Variants in PTPRT observed in about 807,000 individuals in gnomAD.
The protein encoded by PTPRT is protein tyrosine phosphatase receptor type T, also known as receptor-type tyrosine-protein phosphatase T.
Under a neutral mutation model 176.8 loss-of-function variants are expected in PTPRT, and 56 were observed. The ratio of observed to expected loss-of-function variants is 0.32; its 90% confidence interval spans 0.26 to 0.40. The LOEUF (loss-of-function observed/expected upper bound fraction) is 0.40. PTPRT is among the 10% of genes least tolerant of loss of function. PTPRT has a pLI of 1.00. For missense variants in PTPRT, 1,540 were observed against 1,908.2 expected (o/e 0.81, Z 3.60); for synonymous variants, 783 against 739.0 (o/e 1.06, Z -0.96).
At chr20:42,120,706 G>A (rs1192064221) in intron 19 of PTPRT, among the ~76,000 whole-genome samples, 1 of 152,124 alleles carries the variant, frequency 6.6e-6, no homozygotes, top group Non-Finnish European at 1.5e-5. Context: ...TCTTTTGCCT[G>A]GACATGGCAT....
chr20:42,156,125 T>C (rs1267509771), intron 17 of PTPRT, among the ~76,000 whole-genome samples: 1 of 152,170 alleles, frequency 6.6e-6, no homozygotes, highest in Non-Finnish European at 1.5e-5. Flanking sequence ...CCTTCTTTAA[T>C]TTGGTTCTTC....
At chr20:42,212,604 T>C (rs2055670604) in intron 15 of PTPRT, among the ~76,000 whole-genome samples, 1 of 152,046 alleles carries the variant, frequency 6.6e-6, no homozygotes, top group Non-Finnish European at 1.5e-5. Context: ...CTGTGCAAGC[T>C]CTTGCAAGTT....
chr20:42,620,533 C>T (rs1468092265), intron 7 of PTPRT, among the ~76,000 whole-genome samples: 1 of 149,844 alleles, frequency 6.7e-6, no homozygotes, highest in Non-Finnish European at 1.5e-5. Flanking sequence ...GGCGCCCCTC[C>T]CCCAGCCTCG....
At chr20:42,546,709 C>A (rs1335009004) in intron 7 of PTPRT, among the ~76,000 whole-genome samples, 1 of 152,044 alleles carries the variant, frequency 6.6e-6, no homozygotes, top group African/African-American at 2.4e-5. Context: ...CACTTAGAAG[C>A]CATCGTAGGG....
intron 2 of PTPRT, among the ~76,000 whole-genome samples, chr20:42,859,903 G>C (rs1417108925): frequency 9.9e-5 from 15 of 151,842 alleles, no homozygotes; most frequent in African/African-American, 3.4e-4. Context: ...GTTTGATATG[G>C]ATATTTTCAT....
intron 7 of PTPRT, among the ~76,000 whole-genome samples, chr20:42,572,689 T>G (rs574637217): frequency 6.6e-6 from 1 of 152,330 alleles, no homozygotes; most frequent in Non-Finnish European, 1.5e-5. Context: ...TTAATTAACT[T>G]TTTAATTAGT....
intron 2 of PTPRT, among the ~76,000 whole-genome samples, chr20:42,809,988 T>C (rs2077673890): frequency 3.3e-5 from 5 of 152,050 alleles, no homozygotes; most frequent in African/African-American, 9.7e-5. Context: ...AGACTTAAAT[T>C]TGTACTAATA....
In PTPRT at chr20:42,078,756, C is replaced by T. The variant is rs41278142; in HGVS notation, c.*2123G>A. ...GACTGCTTCTCCCAATGCCTTTTCACATTTCTTTGCCATTGCACATATGGA... is the reference window on the plus strand; with the variant it reads ...GACTGCTTCTCCCAATGCCTTTTCATATTTCTTTGCCATTGCACATATGGA... On this transcript the variant is annotated 3_prime_UTR_variant, in exon 31 of 31. Coordinates refer to ENST00000373187, the MANE Select transcript of PTPRT (RefSeq NM_007050.6). 0.038 allele frequency: 6,788 copies of T among 177,058 alleles called. 210 individuals are homozygous for T. Among genetic ancestry groups the T allele is most frequent in the Middle Eastern group, 0.058 (26 of 450 alleles). The allele number at this position is 177,058 out of a possible 1,614,324, so 11.0% of individuals were successfully genotyped here.
intron 17 of PTPRT, among the ~76,000 whole-genome samples, chr20:42,154,513 A>C (rs1989267387): frequency 6.6e-6 from 1 of 152,232 alleles, no homozygotes; most frequent in Non-Finnish European, 1.5e-5. Context: ...TTTGCTCTTC[A>C]TTAGGCTGCA....
At chr20:42,052,873 C>T in the PTPRT span, among the ~76,000 whole-genome samples, 15 of 152,158 alleles carry the variant, frequency 9.9e-5, no homozygotes, top group Non-Finnish European at 1.5e-5. Flanking sequence ...GTGTCGGTGG[C>T]TTTCATCCCA....
At chr20:43,006,474 C>G (rs1984859168) in intron 1 of PTPRT, among the ~76,000 whole-genome samples, 1 of 152,136 alleles carries the variant, frequency 6.6e-6, no homozygotes, top group Non-Finnish European at 1.5e-5. Context: ...TATCTGCCTG[C>G]CTCTGTAGTG....
intron 1 of PTPRT, among the ~76,000 whole-genome samples, chr20:43,159,391 A>G (rs1184554141): frequency 6.6e-6 from 1 of 152,252 alleles, no homozygotes; most frequent in Non-Finnish European, 1.5e-5. Flanking sequence ...CTGCAGAGTC[A>G]TCATTGCCTA....
At chr20:42,337,749 T>A (rs2058060140) in intron 11 of PTPRT, among the ~76,000 whole-genome samples, 1 of 152,196 alleles carries the variant, frequency 6.6e-6, no homozygotes, top group South Asian at 2.1e-4. Flanking sequence ...CAGTATTCGA[T>A]CTGGGACCAA....
intron 2 of PTPRT, among the ~76,000 whole-genome samples, chr20:42,811,931 A>G (rs1465175495): frequency 6.6e-6 from 1 of 152,070 alleles, no homozygotes; most frequent in Non-Finnish European, 1.5e-5. Context: ...GAGTACATTT[A>G]CTCTTGACAA....
intron 1 of PTPRT, among the ~76,000 whole-genome samples, chr20:43,141,147 CA>C (rs966304998): frequency 1.3e-5 from 2 of 152,142 alleles, no homozygotes; most frequent in African/African-American, 2.4e-5. Context: ...CCGTGGCTAA[CA>C]AAAAACAAAT....
chr20:42,427,852 A>C (rs1289561283), intron 9 of PTPRT, among the ~76,000 whole-genome samples: 1 of 152,156 alleles, frequency 6.6e-6, no homozygotes, highest in African/African-American at 2.4e-5. Flanking sequence ...CCCACCCTTA[A>C]GAAGGTTCTT....
chr20:42,256,473 C>T (rs945764127), intron 13 of PTPRT, among the ~76,000 whole-genome samples: 1 of 149,198 alleles, frequency 6.7e-6, no homozygotes, highest in African/African-American at 2.5e-5. Flanking sequence ...TGGGGAGAAA[C>T]AAATGCTGTT....
Position 42,315,534 on chromosome 20 carries a change from C to T in PTPRT, c.2139+189G>A, listed in dbSNP as rs150204372. 2.2e-3 allele frequency among the ~76,000 whole-genome samples: 341 copies of T among 152,296 alleles called. 1 individual carries two copies. The highest frequency in any genetic ancestry group is 3.5e-3 in the Non-Finnish European group (238 of 68,022). On this transcript the variant is annotated intron_variant, in intron 12 of 30. Transcript: ENST00000373187. ...TCAACTTTACTGTTAAGCATCAAAA[C>T]AGCCATAGACAGTATGTAAATGAAC...
intron 13 of PTPRT, among the ~76,000 whole-genome samples, chr20:42,258,406 T>C (rs549513881): frequency 1.1e-4 from 17 of 152,354 alleles, no homozygotes; most frequent in African/African-American, 3.4e-4. Context: ...TTTTCTTGTA[T>C]ATCAACCACC....
Sources: gnomAD v4.1 joint callset for allele counts (sites outside exome capture counted in the v4.1 genomes callset) on GRCh38, gnomAD v4.1.1 for gene constraint, MANE v1.5 for transcripts, NCBI Gene and HGNC (gene_info 2026-07-23, HGNC 2026-07-21) for gene names.